Variants in NRG1 observed in about 807,000 individuals in gnomAD.
NRG1 encodes neuregulin 1.
In NRG1, 18 loss-of-function variants were observed where a neutral mutation model predicts 63.8. That is an observed-to-expected ratio of 0.28 (90% CI 0.19 to 0.42). The LOEUF (loss-of-function observed/expected upper bound fraction) is 0.42, where lower values mean the gene tolerates loss of function less well. NRG1 is among the 10% of genes least tolerant of loss of function. The pLI, the probability that NRG1 is intolerant of heterozygous loss-of-function variation, is 1.00. For missense variants in NRG1, 762 were observed against 814.7 expected, an observed-to-expected ratio of 0.94 and a Z score of 0.79; for synonymous variants, 302 against 301.3, an observed-to-expected ratio of 1.00 and a Z score of -0.02.
intron 5 of NRG1, among the ~76,000 whole-genome samples, chr8:32,637,722 C>T (rs1489346591): frequency 6.6e-6 from 1 of 152,116 alleles, no homozygotes; most frequent in Non-Finnish European, 1.5e-5. Flanking sequence ...GTAATGCTCC[C>T]ACAATTCAGG....
At chr8:32,508,589 G>T (rs773045328) in intron 1 of NRG1, among the ~76,000 whole-genome samples, 1 of 151,982 alleles carries the variant, frequency 6.6e-6, no homozygotes, top group African/African-American at 2.4e-5. Flanking sequence ...GAGCCACCGC[G>T]CCTGGCCTAA....
chr8:31,640,458 G>C lies in NRG1; in HGVS notation c.37+1027G>C, dbSNP rs764117626. 1.3e-6 allele frequency: 2 copies of C among 1,570,024 alleles called. No homozygotes were observed. The highest frequency in any genetic ancestry group is 1.9e-4 in the Middle Eastern group (1 of 5,334). The stretch of plus-strand genomic sequence containing the variant: ...GCGCCGGCGAGCCCGGGGAGGAGGC[G>C]CCCTATCTGGTGAAGGTGCACCAGG... On this transcript the variant is annotated intron_variant, in intron 1 of 10. Coordinates refer to the NRG1 transcript ENST00000519301. The surrounding 1 kb of genome is among the most constrained non-coding windows in gnomAD (Gnocchi z 6.3).
intron 1 of NRG1, among the ~76,000 whole-genome samples, chr8:31,883,184 G>T (rs1830479060): frequency 6.6e-6 from 1 of 152,090 alleles, no homozygotes; most frequent in Non-Finnish European, 1.5e-5. Flanking sequence ...TCAGTCAGCA[G>T]CCATCAACAT....
intron 1 of NRG1, among the ~76,000 whole-genome samples, chr8:31,896,445 C>T (rs1831585959): frequency 6.6e-6 from 1 of 152,206 alleles, no homozygotes; most frequent in South Asian, 2.1e-4. Context: ...CACCTCTAAG[C>T]TTGTGATACT....
At chr8:32,509,335 C>T (rs1381049742) in intron 1 of NRG1, among the ~76,000 whole-genome samples, 3 of 150,890 alleles carry the variant, frequency 2.0e-5, no homozygotes, top group African/African-American at 7.3e-5. Context: ...CTCAAATGAA[C>T]CTCCCACCTG....
chr8:32,134,637 A>G (rs1275266755), intron 1 of NRG1, among the ~76,000 whole-genome samples: 1 of 152,176 alleles, frequency 6.6e-6, no homozygotes, highest in African/African-American at 2.4e-5. Context: ...AAGGGGCCCT[A>G]GTTCTCAAGG....
chr8:31,757,682 G>A (rs186075025), intron 1 of NRG1, among the ~76,000 whole-genome samples: 54 of 152,198 alleles, frequency 3.5e-4, no homozygotes, highest in African/African-American at 1.2e-3. Flanking sequence ...TGTAGAGGGG[G>A]AATGCAGAAG....
intron 1 of NRG1, among the ~76,000 whole-genome samples, chr8:32,167,300 A>G (rs1324567680): frequency 6.6e-6 from 1 of 152,154 alleles, no homozygotes; most frequent in African/African-American, 2.4e-5. Context: ...CTGTTACGTA[A>G]ATCAGAATGT....
chr8:31,759,821 T>C (rs971848885), intron 1 of NRG1, among the ~76,000 whole-genome samples: 1 of 152,146 alleles, frequency 6.6e-6, no homozygotes, highest in Non-Finnish European at 1.5e-5. Context: ...TTTACAACAT[T>C]TAGTTTTGCA....
At chr8:32,761,033 T>C (rs939504076) in intron 11 of NRG1, 12 of 969,544 alleles carry the variant, frequency 1.2e-5, no homozygotes, top group Non-Finnish European at 1.5e-5. Flanking sequence ...AGATACTGCC[T>C]TCAAGATGGC....
chr8:32,620,890 T>C (rs1848228365), intron 5 of NRG1, among the ~76,000 whole-genome samples: 1 of 151,942 alleles, frequency 6.6e-6, no homozygotes, highest in African/African-American at 2.4e-5. Context: ...AAAATAGAAG[T>C]CACTCACCTA....
At chr8:31,765,335 C>A (rs1000316360) in intron 1 of NRG1, among the ~76,000 whole-genome samples, 4 of 151,978 alleles carry the variant, frequency 2.6e-5, no homozygotes, top group Non-Finnish European at 4.4e-5. Context: ...GTTTTCTTGT[C>A]TTCTTGGACT....
At chr8:32,365,034 C>A (rs1463841993) in intron 1 of NRG1, among the ~76,000 whole-genome samples, 1 of 143,754 alleles carries the variant, frequency 7.0e-6, no homozygotes, top group Non-Finnish European at 1.5e-5. Context: ...TCATGGCCCA[C>A]TGCTGCCTTG....
At chr8:31,671,582 A>C (rs1246899026) in intron 1 of NRG1, among the ~76,000 whole-genome samples, 1 of 152,152 alleles carries the variant, frequency 6.6e-6, no homozygotes, top group Non-Finnish European at 1.5e-5. Context: ...TTCCTTCTTA[A>C]AGACAGAGGA....
At chr8:32,101,482 T>C (rs970743730) in intron 1 of NRG1, among the ~76,000 whole-genome samples, 1 of 40,578 alleles carries the variant, frequency 2.5e-5, no homozygotes, top group Non-Finnish European at 6.8e-5. Context: ...AAGCAGATTT[T>C]TTTTTTTTTT....
intron 1 of NRG1, among the ~76,000 whole-genome samples, chr8:32,443,467 G>A (rs890571684): frequency 1.3e-5 from 2 of 152,184 alleles, no homozygotes; most frequent in African/African-American, 4.8e-5. Flanking sequence ...ATGCAGCAAG[G>A]TGAACCTGGT....
chr8:32,714,846 G>C (rs143283582), intron 5 of NRG1, among the ~76,000 whole-genome samples: 1 of 152,266 alleles, frequency 6.6e-6, no homozygotes, highest in East Asian at 1.9e-4. Flanking sequence ...ACAGTACTTT[G>C]GCAAGTAGAG....
intron 5 of NRG1, among the ~76,000 whole-genome samples, chr8:32,677,377 C>A (rs1043608899): frequency 9.9e-5 from 15 of 152,088 alleles, no homozygotes; most frequent in African/African-American, 3.6e-4. Flanking sequence ...TATAATTAAG[C>A]TTGGCTCAGT....
intron 1 of NRG1, among the ~76,000 whole-genome samples, chr8:32,511,398 T>A (rs1004945754): frequency 4.3e-5 from 6 of 140,406 alleles, no homozygotes; most frequent in Non-Finnish European, 7.7e-5. Flanking sequence ...TATATATATA[T>A]AAATAAAATA....
Sources: allele counts gnomAD v4.1 joint callset (sites outside exome capture counted in the v4.1 genomes callset), GRCh38; gene constraint gnomAD v4.1.1; non-coding constraint Gnocchi (gnomAD v3.1); transcripts MANE v1.5; gene names NCBI Gene and HGNC (gene_info 2026-07-23, HGNC 2026-07-21).